Variants in LIX1 observed in about 807,000 individuals in gnomAD.
LIX1 encodes limb and CNS expressed 1.
Under a neutral mutation model 33.4 loss-of-function variants are expected in LIX1, and 24 were observed. That is an observed-to-expected ratio of 0.72 (90% CI 0.52 to 1.01). The LOEUF (loss-of-function observed/expected upper bound fraction) is 1.01, where lower values mean the gene tolerates loss of function less well. Ranked by LOEUF, LIX1 falls within the 50% of genes least tolerant of loss-of-function variation. LIX1 has a pLI of 0.00. For missense variants in LIX1, 311 were observed against 339.2 expected (o/e 0.92, Z 0.65); for synonymous variants, 124 against 124.0 (o/e 1.00, Z 0.00).
At chr5:97,107,699 C>A (rs1278399896) in intron 2 of LIX1, among the ~76,000 whole-genome samples, 199 bp from the exon 3 acceptor site, 2 of 152,160 alleles carry the variant, frequency 1.3e-5, no homozygotes, top group East Asian at 3.8e-4. Context: ...CTTGGTTGAT[C>A]TTCAATTACT....
At chr5:97,142,415 T>G in intron 1 of LIX1, 80 bp downstream of exon 1, 1 of 963,214 alleles carries the variant, frequency 1.0e-6, no homozygotes, top group South Asian at 1.4e-5. Flanking sequence ...TTAGGAGAAA[T>G]CTTACTTAAA....
chr5:97,135,882 G>A (rs564179526), intron 1 of LIX1, among the ~76,000 whole-genome samples: 1 of 152,042 alleles, frequency 6.6e-6, no homozygotes, highest in East Asian at 1.9e-4. Flanking sequence ...AATGATTTTA[G>A]ACAACCAATA....
intron 2 of LIX1, among the ~76,000 whole-genome samples, chr5:97,112,140 A>C (rs1374758589): frequency 6.6e-6 from 1 of 152,228 alleles, no homozygotes; most frequent in South Asian, 2.1e-4. Flanking sequence ...TACAAATCTC[A>C]GCCAGTAAGG....
intron 1 of LIX1, among the ~76,000 whole-genome samples, chr5:97,136,518 C>A (rs1303998724): frequency 6.6e-6 from 1 of 152,148 alleles, no homozygotes; most frequent in Non-Finnish European, 1.5e-5. Flanking sequence ...CTGGGGGTTA[C>A]AGAAAAGTAC....
Position 97,094,995 on chromosome 5 carries a change from T to C in LIX1, c.602A>G (p.Lys201Arg), listed in dbSNP as rs1290814937. Residue 201 changes from lysine (K) to arginine (R), a missense_variant, in exon 6 of 6, where the codon AAG (lysine) becomes AGG (arginine). By Grantham distance (26) the Lys-to-Arg change is conservative. Coordinates refer to ENST00000274382, the MANE Select transcript of LIX1 (RefSeq NM_153234.5). ...GTCCAGGGCCATGTGGCTGCGCATC[T>C]TTTCATCTAGAGAATACTGAGAATA... ...SYYSQYSLDE[K>R]MRSHMALDWI... 1 of 1,614,114 alleles carries C rather than the reference T, an allele frequency of 6.2e-7. No homozygotes were observed. The highest frequency in any genetic ancestry group is 8.5e-7 in the Non-Finnish European group (1 of 1,180,008).
intron 4 of LIX1, among the ~76,000 whole-genome samples, chr5:97,101,203 G>T (rs754651329): frequency 3.3e-5 from 5 of 152,132 alleles, no homozygotes; most frequent in Non-Finnish European, 5.9e-5. Context: ...TTTTTGGCAT[G>T]AATTTTGAGT....
intron 1 of LIX1, among the ~76,000 whole-genome samples, chr5:97,127,569 T>A (rs1343203398): frequency 1.3e-5 from 2 of 152,320 alleles, no homozygotes; most frequent in African/African-American, 2.4e-5. Context: ...GCTTGCCGTT[T>A]GGAATTCCAA....
chr5:97,136,024 T>C (rs1282147482), intron 1 of LIX1, among the ~76,000 whole-genome samples: 1 of 152,208 alleles, frequency 6.6e-6, no homozygotes, highest in Non-Finnish European at 1.5e-5. Context: ...CTCAAGATCC[T>C]GCCACAGCTA....
At position 97,124,496 on chromosome 5, in the gene LIX1, G is replaced by A; in HGVS notation, c.216C>T (p.Leu72=). Residue 72 remains leucine, a synonymous_variant, in exon 2 of 6, where the codon CTC becomes CTT. Coordinates refer to ENST00000274382, the MANE Select transcript of LIX1 (RefSeq NM_153234.5). ...PGPPFVSYVT[L]PGGSCFGNFQ... is the part of the protein sequence containing the mutation. ...AGTTGCCAAAACAGCTTCCCCCTGG[G>A]AGGGTCACGTAACTCACAAAGGGAG... The A allele has an allele frequency of 6.2e-7, 1 of 1,607,102 alleles. No homozygotes were observed. The highest frequency in any genetic ancestry group is 8.5e-7 in the Non-Finnish European group (1 of 1,175,964).
At chr5:97,140,650 A>C (rs1488170661) in intron 1 of LIX1, among the ~76,000 whole-genome samples, 4 of 152,210 alleles carry the variant, frequency 2.6e-5, no homozygotes, top group Non-Finnish European at 5.9e-5. Context: ...GAAAGTAAGC[A>C]GCCCATTCCC....
rs1038740388 is a variant in LIX1, at chr5:97,093,680, C to T, written c.*1068G>A. ...TTGATTTTCTAATCAGTTGATTGAC[C>T]CATATGGATGAGTTAAATAGAGATG... On this transcript the variant is annotated 3_prime_UTR_variant, in exon 6 of 6. Coordinates refer to ENST00000274382, the MANE Select transcript of LIX1 (RefSeq NM_153234.5). 2 of 151,256 alleles carry T rather than the reference C, an allele frequency of 1.3e-5. No homozygotes were observed. The highest frequency in any genetic ancestry group is 2.4e-5 in the African/African-American group (1 of 40,984). The allele number at this position is 151,256 out of a possible 1,614,324, so 9.4% of individuals were successfully genotyped here. A position where few individuals can be genotyped will look rare whatever the true frequency, so the allele number is the denominator to read the frequency against.
chr5:97,095,061 G>A (rs1245736242), intron 5 of LIX1, 26 bp from the exon 6 acceptor site: 7 of 1,604,096 alleles, frequency 4.4e-6, no homozygotes, highest in Admixed American at 1.7e-5. Context: ...CAAAGTCCAG[G>A]GTGTCAATAA....
chr5:97,096,473 G>A (rs1356138385), intron 5 of LIX1, among the ~76,000 whole-genome samples: 5 of 152,174 alleles, frequency 3.3e-5, no homozygotes, highest in Non-Finnish European at 7.3e-5. Context: ...TGCCTCAGAA[G>A]GTACAAGAGG....
rs1488157506 is a variant in LIX1 at position 97,092,170 on chromosome 5, G to A, written c.*2578C>T. 1.3e-5 allele frequency: 2 copies of A among 152,280 alleles called. No individual in the cohort carries two copies. The highest frequency in any genetic ancestry group is 4.8e-5 in the African/African-American group (2 of 41,430). 9.4% of individuals were successfully genotyped at this position (152,280 alleles called of 1,614,324 possible). ...TAAACAAGAATCTAAAGATCCCCTA[G>A]GGCAATCTCTGGACTTTGGGGGGTC... On this transcript the variant is annotated 3_prime_UTR_variant, in exon 6 of 6. Transcript: ENST00000274382.
chr5:97,107,114 A>G (rs1399563015), intron 3 of LIX1, among the ~76,000 whole-genome samples: 2 of 152,248 alleles, frequency 1.3e-5, no homozygotes, highest in African/African-American at 4.8e-5. Flanking sequence ...GGTGGATCCA[A>G]TGATCTACCT....
At chr5:97,119,514 G>T (rs967213358) in intron 2 of LIX1, among the ~76,000 whole-genome samples, 3 of 152,158 alleles carry the variant, frequency 2.0e-5, no homozygotes, top group Non-Finnish European at 2.9e-5. Context: ...AGGGCCAAAT[G>T]GGTGAAGGGG....
chr5:97,109,577 T>C (rs9763309), intron 2 of LIX1, among the ~76,000 whole-genome samples: 2 of 152,164 alleles, frequency 1.3e-5, no homozygotes, highest in African/African-American at 4.8e-5. Flanking sequence ...TTTTTTATTT[T>C]ATTTTTTATT....
At chr5:97,102,729 CTT>C (rs200978547) in intron 4 of LIX1, among the ~76,000 whole-genome samples, 30 of 143,676 alleles carry the variant, frequency 2.1e-4, no homozygotes, top group Non-Finnish European at 2.3e-4. Context: ...AATTTTAAGA[CTT>C]TTTTTTTTTT....
chr5:97,110,955 T>C (rs1747358367), intron 2 of LIX1, among the ~76,000 whole-genome samples: 1 of 152,174 alleles, frequency 6.6e-6, no homozygotes, highest in African/African-American at 2.4e-5. Context: ...ACAAGGTAGA[T>C]TGGCTTTGTG....
Sources: gnomAD v4.1 joint callset for allele counts (sites outside exome capture counted in the v4.1 genomes callset) on GRCh38, gnomAD v4.1.1 for gene constraint, MANE v1.5 for transcripts, NCBI Gene and HGNC (gene_info 2026-07-23, HGNC 2026-07-21) for gene names.